Variants in MYCBP2 observed in about 807,000 individuals in gnomAD.
The protein encoded by MYCBP2 is MYC binding protein 2, also known as E3 ubiquitin-protein ligase MYCBP2.
A neutral mutation model predicts 525.3 loss-of-function variants in MYCBP2; 120 were observed. That is an observed-to-expected ratio of 0.23 (90% CI 0.20 to 0.27). The LOEUF (loss-of-function observed/expected upper bound fraction) is 0.27, where lower values mean the gene tolerates loss of function less well. Among genes scored for constraint, MYCBP2 ranks in the 10% least tolerant of loss-of-function variants. MYCBP2 has a pLI of 1.00. For synonymous variants in MYCBP2, 1,894 were observed against 1,955.8 expected (o/e 0.97, Z 0.83); for missense variants, 4,149 against 5,657.1 (o/e 0.73, Z 8.55).
intron 33 of MYCBP2, 100 bp downstream of exon 33, chr13:77,181,601 G>T: frequency 2.6e-6 from 2 of 758,396 alleles, no homozygotes; most frequent in Non-Finnish European, 4.3e-6. Flanking sequence ...GCTTAGCTTG[G>T]TGTGTTTATA....
intron 8 of MYCBP2, among the ~76,000 whole-genome samples, chr13:77,267,218 G>A (rs1189304390): frequency 6.6e-6 from 1 of 151,690 alleles, no homozygotes; most frequent in African/African-American, 2.4e-5. Context: ...CCTACTGCCT[G>A]ATAATTTAGC....
intron 55 of MYCBP2, among the ~76,000 whole-genome samples, chr13:77,110,884 A>G (rs1797357439): frequency 6.6e-6 from 1 of 152,200 alleles, no homozygotes; most frequent in African/African-American, 2.4e-5. Context: ...TCTCAAAATG[A>G]GAGCTGGATA....
In MYCBP2 at chr13:77,086,376, T is replaced by C. The variant is rs145345667; in HGVS notation, c.10875+1108A>G. On this transcript the variant is annotated intron_variant, in intron 62 of 82. Coordinates refer to ENST00000544440, the MANE Select transcript of MYCBP2 (RefSeq NM_015057.5). Reference sequence around the variant, plus strand: ...TTTTTTTCTGTGGCTGCTTAAAAGATCTCTTTCTTTGTTTTTGGTGTTCAG... The same window carrying C: ...TTTTTTTCTGTGGCTGCTTAAAAGACCTCTTTCTTTGTTTTTGGTGTTCAG... Among the ~76,000 whole-genome samples the C allele has an allele frequency of 2.5e-3, 377 of 152,244 alleles. 1 individual carries two copies. The highest frequency in any genetic ancestry group is 8.5e-3 in the African/African-American group (352 of 41,570).
intron 82 of MYCBP2, 41 bp downstream of exon 82, chr13:77,050,956 A>G (rs1294183322): frequency 1.3e-6 from 2 of 1,522,904 alleles, no homozygotes; most frequent in Non-Finnish European, 1.8e-6. Context: ...AAACTATGGT[A>G]TATAGATCAT....
chr13:77,059,155 T>C (rs1301585872), intron 77 of MYCBP2, among the ~76,000 whole-genome samples: 1 of 152,040 alleles, frequency 6.6e-6, no homozygotes, highest in Non-Finnish European at 1.5e-5. Flanking sequence ...ACATAGAATA[T>C]GTTTATATAT....
chr13:77,122,294 A>G (rs932580104), intron 54 of MYCBP2, among the ~76,000 whole-genome samples: 1 of 152,212 alleles, frequency 6.6e-6, no homozygotes, highest in Non-Finnish European at 1.5e-5. Context: ...AATTGGGGGG[A>G]AAAGGTATTT....
intron 5 of MYCBP2, among the ~76,000 whole-genome samples, chr13:77,270,774 C>A (rs1254512160): frequency 2.0e-5 from 3 of 152,062 alleles, no homozygotes; most frequent in Non-Finnish European, 4.4e-5. Context: ...AAAATCTTAG[C>A]CATTATTTCA....
intron 55 of MYCBP2, chr13:77,099,794 A>T (rs1488413471): frequency 1.3e-5 from 2 of 152,172 alleles, no homozygotes; most frequent in East Asian, 3.9e-4. Flanking sequence ...ACAGAAAAAC[A>T]GGATGAAAAG....
chr13:77,077,411 G>C (rs1485503861), intron 66 of MYCBP2, 24 bp from the exon 67 acceptor site: 1 of 1,612,618 alleles, frequency 6.2e-7, no homozygotes, highest in Admixed American at 1.7e-5. Context: ...AAAGAGGCAG[G>C]AACCTGATTC....
chr13:77,257,510 CCTA>C (rs2072459696), intron 14 of MYCBP2, among the ~76,000 whole-genome samples, 158 bp downstream of exon 14: 1 of 151,820 alleles, frequency 6.6e-6, no homozygotes, highest in South Asian at 2.1e-4. Context: ...CATACATATA[CCTA>C]CTATCTACCC....
chr13:77,098,344 G>C lies in MYCBP2; in HGVS notation c.8810C>G (p.Thr2937Ser). Residue 2937 changes from threonine (T) to serine (S), a missense_variant, in exon 56 of 83, where the codon ACC becomes AGC. By Grantham distance (58) the Thr-to-Ser change is moderately conservative. Transcript: ENST00000544440. ...NLHSEVVEVC[T>S]SSTLKTNSLT... ...ACTATTTGTTTTTAAAGTACTTGAG[G>C]TGCAGACTTCGACCACCTCACTGTG... The C allele has an allele frequency of 6.2e-7, 1 of 1,612,230 alleles. No homozygotes were observed. The highest frequency in any genetic ancestry group is 8.5e-7 in the Non-Finnish European group (1 of 1,179,784).
chr13:77,278,371 A>G (rs1335510967), intron 4 of MYCBP2, among the ~76,000 whole-genome samples: 1 of 152,218 alleles, frequency 6.6e-6, no homozygotes, highest in Non-Finnish European at 1.5e-5. Context: ...TAATTGAGAA[A>G]TGTGTGTGCA....
At chr13:77,142,728 C>G (rs2054887335) in intron 49 of MYCBP2, among the ~76,000 whole-genome samples, 1 of 152,146 alleles carries the variant, frequency 6.6e-6, no homozygotes, top group African/African-American at 2.4e-5. Flanking sequence ...CTACCATATA[C>G]AAGTTGAGCA....
At position 77,139,214 on chromosome 13, in the gene MYCBP2, A is replaced by G; in HGVS notation, c.7641T>C (p.Ser2547=). 1 of 1,613,478 alleles carries G rather than the reference A, an allele frequency of 6.2e-7. No homozygotes were observed. The highest frequency in any genetic ancestry group is 1.1e-5 in the South Asian group (1 of 90,980). Residue 2547 remains serine, a synonymous_variant, in exon 52 of 83, where the codon AGT becomes AGC. Coordinates refer to ENST00000544440, the MANE Select transcript of MYCBP2 (RefSeq NM_015057.5). The part of the protein sequence containing the change: ...CLSFNQHLGK[S]LLVPVDESKT... ...TACTTACGTCAACAGGGACCAGAAGACTCTTGCCAAGATGTTGATTAAAAG... is the reference window on the plus strand; with the variant it reads ...TACTTACGTCAACAGGGACCAGAAGGCTCTTGCCAAGATGTTGATTAAAAG...
At chr13:77,153,720 CT>C (rs1410609330) in intron 46 of MYCBP2, among the ~76,000 whole-genome samples, 2 of 149,350 alleles carry the variant, frequency 1.3e-5, no homozygotes, top group Non-Finnish European at 3.0e-5. Context: ...GTGACTTTCT[CT>C]TGTCAATAAA....
chr13:77,081,464 T>A lies in MYCBP2; in HGVS notation c.11381A>T (p.Tyr3794Phe). 6.2e-7 allele frequency: 1 copy of A among 1,612,624 alleles called. No individual in the cohort carries two copies. Among genetic ancestry groups the A allele is most frequent in the Non-Finnish European group, 8.5e-7 (1 of 1,179,786 alleles). The change falls in exon 65 of 83, where the codon TAT becomes TTT. Residue 3794 changes from tyrosine (Y) to phenylalanine (F), a missense_variant. Tyr to Phe is a conservative substitution (Grantham distance 22). Transcript: ENST00000544440. This position sits in a 1 kb window ranked among gnomAD's most constrained non-coding sequence, Gnocchi z 4.6. ...GGAATTGTCCACGTGAACAGACACA[T>A]AGCGGGCATTGATTCCTTTTACACA... Reference protein sequence around the residue: ...INCVKGINARYVSVHVDNSRD... With the variant: ...INCVKGINARFVSVHVDNSRD...
At chr13:77,067,085 G>C (rs1234681915) in intron 71 of MYCBP2, among the ~76,000 whole-genome samples, 1 of 151,878 alleles carries the variant, frequency 6.6e-6, no homozygotes, top group Non-Finnish European at 1.5e-5. Flanking sequence ...TTTTTATATA[G>C]TCAAATCTAT....
intron 20 of MYCBP2, among the ~76,000 whole-genome samples, chr13:77,219,035 CAGAGT>C (rs1043930386): frequency 1.3e-5 from 2 of 151,988 alleles, no homozygotes; most frequent in African/African-American, 4.8e-5. Context: ...GCTTAAGCAA[CAGAGT>C]AGATAGTGGT....
At chr13:77,196,472 GTAA>G (rs1362018652) in intron 26 of MYCBP2, among the ~76,000 whole-genome samples, 3 of 152,236 alleles carry the variant, frequency 2.0e-5, no homozygotes, top group Non-Finnish European at 4.4e-5. Context: ...GGAGGCTACT[GTAA>G]TAATACAAAT....
Sources: gnomAD v4.1 joint callset for allele counts (sites outside exome capture counted in the v4.1 genomes callset) on GRCh38, gnomAD v4.1.1 for gene constraint, Gnocchi (gnomAD v3.1) non-coding constraint, MANE v1.5 for transcripts, NCBI Gene and HGNC (gene_info 2026-07-23, HGNC 2026-07-21) for gene names.